Variants in GFRA2 observed in about 807,000 individuals in gnomAD.
GFRA2 encodes GDNF family receptor alpha-2.
Under a neutral mutation model 48.3 loss-of-function variants are expected in GFRA2, and 17 were observed. That is an observed-to-expected ratio of 0.35 (90% confidence interval 0.24 to 0.53). GFRA2 has a LOEUF of 0.53. Among genes scored for constraint, GFRA2 ranks in the 20% least tolerant of loss-of-function variants. The pLI, the probability that GFRA2 is intolerant of heterozygous loss-of-function variation, is 0.93. For synonymous variants in GFRA2, 305 were observed against 257.2 expected (o/e 1.19, Z -1.78); for missense variants, 660 against 637.3 (o/e 1.04, Z -0.38).
chr8:21,737,077 C>T (rs542674368), intron 4 of GFRA2, among the ~76,000 whole-genome samples: 95 of 152,250 alleles, frequency 6.2e-4, no homozygotes, highest in African/African-American at 2.3e-3. Context: ...GGCAAGGGGG[C>T]CTGCAGCCTC....
At chr8:21,726,045 C>T (rs1444527074) in intron 4 of GFRA2, among the ~76,000 whole-genome samples, 2 of 152,184 alleles carry the variant, frequency 1.3e-5, no homozygotes, top group East Asian at 3.8e-4. Context: ...AAGGAGGCAG[C>T]CCCCTTATAC....
At chr8:21,734,372 T>C (rs1452423007) in intron 4 of GFRA2, among the ~76,000 whole-genome samples, 3 of 152,358 alleles carry the variant, frequency 2.0e-5, no homozygotes, top group African/African-American at 4.8e-5. Context: ...TCTGGGGGTC[T>C]ACCCAACATG....
upstream of GFRA2, chr8:21,790,004 G>T: frequency 1.1e-6 from 1 of 885,528 alleles, no homozygotes; most frequent in Non-Finnish European, 1.4e-6. Context: ...CTCCGGGGTT[G>T]GGGGGTTCCT....
intron 7 of GFRA2, among the ~76,000 whole-genome samples, chr8:21,700,704 C>G (rs533486341): frequency 6.6e-6 from 1 of 152,138 alleles, no homozygotes; most frequent in Non-Finnish European, 1.5e-5. Flanking sequence ...AACTGGCTAC[C>G]ATCTCTGGGG....
chr8:21,715,112 C>T (rs890525242), intron 4 of GFRA2, among the ~76,000 whole-genome samples: 1 of 152,200 alleles, frequency 6.6e-6, no homozygotes, highest in Non-Finnish European at 1.5e-5. Flanking sequence ...TGTGGACAAC[C>T]TGATCTTCCA....
chr8:21,733,741 A>G (rs974785727), intron 4 of GFRA2, among the ~76,000 whole-genome samples: 2 of 152,126 alleles, frequency 1.3e-5, no homozygotes, highest in African/African-American at 4.8e-5. Context: ...CTTTATGACT[A>G]TTGATGGGAT....
rs1365966371 is a variant in GFRA2 at position 21,728,423 on chromosome 8, T to A, written c.794+22165A>T. On this transcript the variant is annotated intron_variant, in intron 4 of 8. Transcript: ENST00000524240. ...CCAAGTAGCTGGAATTACAGGCACA[T>A]ACCACCACACCCGGCTATTGTTTGT... Among the ~76,000 whole-genome samples the A allele has an allele frequency of 2.6e-5, 4 of 151,810 alleles. No homozygotes were observed. In the South Asian group the frequency reaches 8.3e-4, roughly 32 times the overall value.
chr8:21,730,809 C>A (rs888638298), intron 4 of GFRA2, among the ~76,000 whole-genome samples: 1 of 152,170 alleles, frequency 6.6e-6, no homozygotes, highest in Non-Finnish European at 1.5e-5. Context: ...CTCCTCAAAT[C>A]GTATCTTCCC....
chr8:21,795,440 C>T (rs959513798), intron 2 of GFRA2, among the ~76,000 whole-genome samples: 10 of 151,284 alleles, frequency 6.6e-5, no homozygotes, highest in Non-Finnish European at 1.0e-4. Context: ...TCACCTAGGC[C>T]GGAGTGCTGT....
At chr8:21,693,995 G>A (rs147639225) in intron 8 of GFRA2, among the ~76,000 whole-genome samples, 1,579 of 144,094 alleles carry the variant, frequency 0.011, 10 homozygotes, top group Non-Finnish European at 0.017. Flanking sequence ...ATATATATAC[G>A]TCATATACAT....
intron 4 of GFRA2, among the ~76,000 whole-genome samples, chr8:21,707,875 A>T (rs1028946228): frequency 2.6e-5 from 4 of 152,218 alleles, no homozygotes; most frequent in African/African-American, 9.6e-5. Flanking sequence ...TACCACAATG[A>T]TGGTTTAAAA....
intron 4 of GFRA2, among the ~76,000 whole-genome samples, chr8:21,710,227 C>T (rs1009901833): frequency 1.3e-5 from 2 of 152,222 alleles, no homozygotes; most frequent in Non-Finnish European, 2.9e-5. Context: ...GCCAACCTCC[C>T]GCCTTGGGCT....
chr8:21,720,629 CA>C (rs1344754989), intron 4 of GFRA2, among the ~76,000 whole-genome samples: 1 of 152,168 alleles, frequency 6.6e-6, no homozygotes, highest in Non-Finnish European at 1.5e-5. Context: ...ACTTCAAACA[CA>C]CACGTTCCCC....
At chr8:21,701,734 G>A (rs1802490254) in intron 7 of GFRA2, among the ~76,000 whole-genome samples, 1 of 152,214 alleles carries the variant, frequency 6.6e-6, no homozygotes, top group African/African-American at 2.4e-5. Context: ...GATTTGAGCA[G>A]GCCCCCGATG....
chr8:21,756,722 T>C (rs1326841602), intron 3 of GFRA2, among the ~76,000 whole-genome samples: 1 of 152,136 alleles, frequency 6.6e-6, no homozygotes, highest in African/African-American at 2.4e-5. Context: ...CTACAGCCCC[T>C]GAGCTAAAAT....
At chr8:21,696,845 G>A (rs1321327845) in intron 7 of GFRA2, among the ~76,000 whole-genome samples, 1 of 150,362 alleles carries the variant, frequency 6.7e-6, no homozygotes, top group African/African-American at 2.4e-5. Flanking sequence ...GAAACCAGGT[G>A]AAGGGAGAAG....
intron 2 of GFRA2, among the ~76,000 whole-genome samples, chr8:21,803,089 T>C (rs1223863052): frequency 6.6e-6 from 1 of 152,090 alleles, no homozygotes; most frequent in Non-Finnish European, 1.5e-5. Context: ...ACCGCAAAGG[T>C]TTATTTATTC....
chr8:21,736,639 G>C (rs55813287), intron 4 of GFRA2, among the ~76,000 whole-genome samples: 31,974 of 151,668 alleles, frequency 0.21, 3,514 homozygotes, highest in East Asian at 0.26. Context: ...GGGACTAGAG[G>C]CAGGCACCAC....
intron 1 of GFRA2, chr8:21,784,431 C>T: frequency 9.2e-6 from 4 of 433,974 alleles, no homozygotes; most frequent in South Asian, 3.2e-5. Flanking sequence ...TCCTCAATAC[C>T]GCAGAATTCC....
Sources: gnomAD v4.1 joint callset for allele counts (sites outside exome capture counted in the v4.1 genomes callset) on GRCh38, gnomAD v4.1.1 for gene constraint, MANE v1.5 for transcripts, NCBI Gene and HGNC (gene_info 2026-07-23, HGNC 2026-07-21) for gene names.